EYS: variants seen among roughly 807,000 people sequenced by gnomAD.
EYS encodes EGF-like photoreceptor maintenance factor, also known as protein eyes shut homolog.
EYS carries 250 observed loss-of-function variants against 282.1 expected under a neutral mutation model. That is an observed-to-expected ratio of 0.89 (90% confidence interval 0.80 to 0.98). The LOEUF is 0.98. Among genes scored for constraint, EYS ranks in the 50% least tolerant of loss-of-function variants. EYS has a pLI of 0.00. For synonymous variants in EYS, 1,355 were observed against 1,282.9 expected, an observed-to-expected ratio of 1.06 and a Z score of -1.20; for missense variants, 4,016 against 3,709.0, an observed-to-expected ratio of 1.08 and a Z score of -2.15.
At chr6:65,384,617 AT>A (rs1317273421) in intron 7 of EYS, 117 bp from the exon 8 acceptor site, 8 of 630,800 alleles carry the variant, frequency 1.3e-5, no homozygotes, top group East Asian at 5.6e-5. Flanking sequence ...ATTATTAATC[AT>A]TTTTTAATAC....
rs547728140 is a variant in EYS at position 64,245,305 on chromosome 6, G to C, written c.6192-14481C>G. On this transcript the variant is annotated intron_variant, in intron 30 of 42. Coordinates refer to ENST00000503581, the MANE Select transcript of EYS (RefSeq NM_001142800.2). Reference sequence around the variant, plus strand: ...AGGTTGTTTTGTTTGTTTTGTTTTTGTTTTTTGTGGGTGTTTTGTTTTGTT... The same window carrying C: ...AGGTTGTTTTGTTTGTTTTGTTTTTCTTTTTTGTGGGTGTTTTGTTTTGTT... 2.0e-5 allele frequency among the ~76,000 whole-genome samples: 3 copies of C among 148,962 alleles called. No individual in the cohort carries two copies. The East Asian group carries it at 6.2e-4, about 31-fold the overall frequency.
chr6:64,810,782 A>G (rs956153564), intron 22 of EYS, among the ~76,000 whole-genome samples: 1 of 152,072 alleles, frequency 6.6e-6, no homozygotes, highest in Non-Finnish European at 1.5e-5. Context: ...TAATTTTCCC[A>G]ATTAAAGTCA....
chr6:65,383,580 T>TTA (rs1331756177), intron 8 of EYS, among the ~76,000 whole-genome samples: 2 of 151,648 alleles, frequency 1.3e-5, no homozygotes, highest in Non-Finnish European at 2.9e-5. Flanking sequence ...CTCAAAAAAA[T>TTA]TATTTTTTGA....
intron 29 of EYS, among the ~76,000 whole-genome samples, chr6:64,344,737 T>C (rs532822148): frequency 2.0e-5 from 3 of 152,134 alleles, no homozygotes; most frequent in South Asian, 4.1e-4. Context: ...GGCATTCAAT[T>C]AGGAAAAGAG....
Position 65,136,696 on chromosome 6 carries a change from C to T in EYS, c.2024-78969G>A, listed in dbSNP as rs140149972. ...ATATCACAAAATTATAATTTTTCTT[C>T]CTTTTTCGAGACAGGATCTCATACT... On this transcript the variant is annotated intron_variant, in intron 12 of 42. Transcript: ENST00000503581. 6.0e-4 allele frequency among the ~76,000 whole-genome samples: 91 copies of T among 152,078 alleles called. No individual in the cohort carries two copies. In the East Asian group the frequency reaches 7.6e-3, roughly 13 times the overall value.
chr6:64,874,457 C>A (rs1766684072), intron 19 of EYS, among the ~76,000 whole-genome samples: 2 of 151,950 alleles, frequency 1.3e-5, no homozygotes, highest in South Asian at 4.1e-4. Context: ...TGCTCCATAC[C>A]TGGGCTTTGG....
chr6:65,120,314 T>TA (rs1450772464), intron 12 of EYS, among the ~76,000 whole-genome samples: 1 of 151,634 alleles, frequency 6.6e-6, no homozygotes, highest in Non-Finnish European at 1.5e-5. Flanking sequence ...AAACAACACC[T>TA]TTTTTTAAAA....
chr6:65,028,564 T>G (rs1339576502), intron 13 of EYS, among the ~76,000 whole-genome samples: 1 of 152,022 alleles, frequency 6.6e-6, no homozygotes, highest in East Asian at 1.9e-4. Context: ...GTCTAGTAAT[T>G]TTGAAAAGTG....
chr6:64,802,017 C>CT (rs1157712956), intron 22 of EYS, among the ~76,000 whole-genome samples: 40 of 57,622 alleles, frequency 6.9e-4, no homozygotes, highest in Non-Finnish European at 9.4e-4. Flanking sequence ...TAACAAATTT[C>CT]TTTTTCTTTT....
chr6:64,757,908 C>A (rs1773008792), intron 22 of EYS, among the ~76,000 whole-genome samples: 1 of 152,120 alleles, frequency 6.6e-6, no homozygotes, highest in East Asian at 1.9e-4. Flanking sequence ...CCTCAGCCTC[C>A]TGAGTAGCTG....
At chr6:64,227,207 C>T (rs1766276495) in intron 31 of EYS, among the ~76,000 whole-genome samples, 4 of 151,902 alleles carry the variant, frequency 2.6e-5, no homozygotes, top group Admixed American at 1.3e-4. Context: ...ACCACTCAGA[C>T]ACAATTTTTT....
chr6:65,156,357 T>A (rs899595839), intron 12 of EYS, among the ~76,000 whole-genome samples: 2 of 151,178 alleles, frequency 1.3e-5, no homozygotes, highest in African/African-American at 4.8e-5. Flanking sequence ...ATTCTTGTAG[T>A]CTTAGATCTT....
At chr6:64,927,676 G>A (rs2150085221) in intron 15 of EYS, among the ~76,000 whole-genome samples, 1 of 152,030 alleles carries the variant, frequency 6.6e-6, no homozygotes, top group South Asian at 2.1e-4. Flanking sequence ...CTAATAACAT[G>A]TCATTTGAAA....
chr6:64,700,317 C>T (rs1221730899), intron 22 of EYS, among the ~76,000 whole-genome samples: 1 of 151,992 alleles, frequency 6.6e-6, no homozygotes, highest in East Asian at 1.9e-4. Context: ...ATCCTAAGAA[C>T]TGGAACAAGA....
intron 22 of EYS, among the ~76,000 whole-genome samples, chr6:64,687,992 A>G (rs1181694304): frequency 6.7e-6 from 1 of 150,292 alleles, no homozygotes; most frequent in Non-Finnish European, 1.5e-5. Context: ...TTTCTTCTAG[A>G]TTTTCTAGTT....
chr6:64,966,822 C>A (rs1002600498), intron 14 of EYS, among the ~76,000 whole-genome samples: 1 of 152,188 alleles, frequency 6.6e-6, no homozygotes, highest in Admixed American at 6.5e-5. Context: ...TTAATTGCAT[C>A]TGCAAAATCC....
chr6:64,700,738 GA>G (rs971534214), intron 22 of EYS, among the ~76,000 whole-genome samples: 2 of 151,750 alleles, frequency 1.3e-5, no homozygotes, highest in African/African-American at 4.8e-5. Flanking sequence ...TCAAACAAAT[GA>G]AAAAAACATC....
chr6:65,634,170 T>C (rs904890967), intron 2 of EYS, among the ~76,000 whole-genome samples: 1 of 152,196 alleles, frequency 6.6e-6, no homozygotes, highest in Non-Finnish European at 1.5e-5. Flanking sequence ...TTACTTAGTA[T>C]ACATGAAGAG....
At position 65,649,109 on chromosome 6, in the gene EYS, G is replaced by A. The variant is rs184820100; in HGVS notation, c.-447-9217C>T. ...GCTGAGATCGCGCCACTGCACTCCA[G>A]CCTGTGCGACAGAGCGAGACTCTGT... On this transcript the variant is annotated intron_variant, in intron 1 of 42. Coordinates refer to ENST00000503581, the MANE Select transcript of EYS (RefSeq NM_001142800.2). Among the ~76,000 whole-genome samples, 331 of 127,266 alleles carry A rather than the reference G, an allele frequency of 2.6e-3. 2 individuals are homozygous for A. The Middle Eastern group carries it at 0.033, about 13-fold the overall frequency. 83.5% of individuals were successfully genotyped at this position (127,266 alleles called of 152,430 possible).
Sources: gnomAD v4.1 joint callset for allele counts (sites outside exome capture counted in the v4.1 genomes callset) on GRCh38, gnomAD v4.1.1 for gene constraint, MANE v1.5 for transcripts, NCBI Gene and HGNC (gene_info 2026-07-23, HGNC 2026-07-21) for gene names.